ARHGEF38: variants seen among roughly 807,000 people sequenced by gnomAD.
The protein encoded by ARHGEF38 is Rho guanine nucleotide exchange factor 38.
A neutral mutation model predicts 79.9 loss-of-function variants in ARHGEF38; 79 were observed. That is an observed-to-expected ratio of 0.99 (90% CI 0.82 to 1.19). ARHGEF38 has a LOEUF of 1.19. Ranked by LOEUF, ARHGEF38 falls within the 50% of genes most tolerant of loss-of-function variation. ARHGEF38 has a pLI of 0.00. For synonymous variants in ARHGEF38, 366 were observed against 328.3 expected (o/e 1.11, Z -1.24); for missense variants, 962 against 907.2 (o/e 1.06, Z -0.78).
At chr4:105,626,999 C>T (rs1171747243) in intron 3 of ARHGEF38, among the ~76,000 whole-genome samples, 1 of 152,006 alleles carries the variant, frequency 6.6e-6, no homozygotes, top group East Asian at 1.9e-4. Context: ...GAGTGTTGCT[C>T]AAAGCTCCCC....
At chr4:105,657,979 G>A (rs933254710) in intron 9 of ARHGEF38, among the ~76,000 whole-genome samples, 1 of 152,116 alleles carries the variant, frequency 6.6e-6, no homozygotes, top group Non-Finnish European at 1.5e-5. Flanking sequence ...AAAGGGTAAA[G>A]TAGGGCAGTC....
At chr4:105,610,689 C>T (rs17035960) in intron 2 of ARHGEF38, among the ~76,000 whole-genome samples, 6,541 of 151,976 alleles carry the variant, frequency 0.043, 195 homozygotes, top group Middle Eastern at 0.12. Flanking sequence ...GTGATATGGG[C>T]GTTTGAAATC....
intron 5 of ARHGEF38, among the ~76,000 whole-genome samples, chr4:105,643,819 G>A (rs928674727): frequency 2.6e-4 from 37 of 142,514 alleles, no homozygotes; most frequent in African/African-American, 9.3e-4. Flanking sequence ...ACATTCTTTT[G>A]TTTCTCATTT....
rs571322235 is a variant in ARHGEF38 at position 105,624,795 on chromosome 4, G to A, written c.509-6103G>A. On this transcript the variant is annotated intron_variant, in intron 3 of 13. Coordinates refer to ENST00000420470, the MANE Select transcript of ARHGEF38 (RefSeq NM_001242729.2). ...CATCCAAGGAGGATAAGAAGACCGC[G>A]GGGAGCAACCCTTGAACTTGGGGTG... Among the ~76,000 whole-genome samples, 13 of 152,258 alleles carry A rather than the reference G, an allele frequency of 8.5e-5. No individual in the cohort carries two copies. The East Asian group carries it at 9.7e-4, about 11-fold the overall frequency.
chr4:105,602,775 C>A (rs1374531), intron 2 of ARHGEF38, among the ~76,000 whole-genome samples: 11,042 of 152,130 alleles, frequency 0.073, 458 homozygotes, highest in Middle Eastern at 0.12. Context: ...ACTCAGGTGA[C>A]CTAACATTGA....
chr4:105,596,174 T>C (rs778382050), intron 2 of ARHGEF38, among the ~76,000 whole-genome samples: 12 of 152,166 alleles, frequency 7.9e-5, no homozygotes, highest in Non-Finnish European at 1.6e-4. Flanking sequence ...GGGAGTATAT[T>C]GAGCAATGGT....
chr4:105,646,563 G>C (rs1005230809), intron 6 of ARHGEF38, among the ~76,000 whole-genome samples: 6 of 152,156 alleles, frequency 3.9e-5, no homozygotes, highest in African/African-American at 1.4e-4. Context: ...AGAACAACTT[G>C]ACAATACCTA....
At chr4:105,645,687 C>T (rs1419018056) in intron 6 of ARHGEF38, among the ~76,000 whole-genome samples, 2 of 152,178 alleles carry the variant, frequency 1.3e-5, no homozygotes, top group African/African-American at 4.8e-5. Flanking sequence ...ATATAGTCCT[C>T]CTGTCACTGG....
At chr4:105,623,406 T>C (rs1445998731) in intron 3 of ARHGEF38, among the ~76,000 whole-genome samples, 1 of 152,180 alleles carries the variant, frequency 6.6e-6, no homozygotes, top group Non-Finnish European at 1.5e-5. Context: ...GAGGCAAGCT[T>C]TCTCAAGAGA....
intron 1 of ARHGEF38, among the ~76,000 whole-genome samples, chr4:105,587,778 T>C (rs1727129210): frequency 6.6e-6 from 1 of 152,176 alleles, no homozygotes; most frequent in Non-Finnish European, 1.5e-5. Flanking sequence ...ATTATTTCCT[T>C]AGCACTAAAT....
rs1469478771 is a variant in ARHGEF38 at position 105,678,466 on chromosome 4, A to G, written c.*529A>G. On this transcript the variant is annotated 3_prime_UTR_variant, in exon 14 of 14. Transcript: ENST00000420470. ...GTATACACCAAATATACATAAGAAG[A>G]ATATACCACCAACTAGAAGTCTTTG... is the stretch of plus-strand genomic sequence containing the variant. 6.6e-6 allele frequency: 1 copy of G among 152,210 alleles called. No individual in the cohort carries two copies. Among genetic ancestry groups the G allele is most frequent in the African/African-American group, 2.4e-5 (1 of 41,438 alleles). 9.4% of individuals were successfully genotyped at this position (152,210 alleles called of 1,614,324 possible). A position where few individuals can be genotyped will look rare whatever the true frequency, so the allele number is the denominator to read the frequency against.
At chr4:105,571,447 G>A (rs563798860) in intron 1 of ARHGEF38, among the ~76,000 whole-genome samples, 11 of 150,636 alleles carry the variant, frequency 7.3e-5, no homozygotes, top group Admixed American at 2.0e-4. Flanking sequence ...CTCAGCCTCC[G>A]GAGTAGCTGG....
chr4:105,642,943 A>G (rs546294142), intron 5 of ARHGEF38, among the ~76,000 whole-genome samples: 1 of 152,168 alleles, frequency 6.6e-6, no homozygotes, highest in East Asian at 1.9e-4. Context: ...CCTCTAATCA[A>G]GTTAATACCT....
intron 3 of ARHGEF38, among the ~76,000 whole-genome samples, chr4:105,629,097 A>G (rs1729074830): frequency 6.6e-6 from 1 of 152,318 alleles, no homozygotes; most frequent in South Asian, 2.1e-4. Context: ...CATCCATGTA[A>G]CCAAAAACGA....
intron 2 of ARHGEF38, among the ~76,000 whole-genome samples, chr4:105,611,868 A>G (rs1357032452): frequency 1.3e-5 from 2 of 152,104 alleles, no homozygotes. Flanking sequence ...GAAATAAACC[A>G]CTGCATATAA....
rs1470859098 is a variant in ARHGEF38, at chr4:105,679,622, A to G, written c.*1685A>G. The G allele has an allele frequency of 9.2e-5, 76 of 829,592 alleles. No homozygotes were observed. The East Asian group carries it at 1.7e-3, about 19-fold the overall frequency. The allele number at this position is 829,592 out of a possible 1,614,324, so 51.4% of individuals were successfully genotyped here. ...GTTGGAAAAAAATCAACAGCAGCATAAGAAATGGAAGCCAGAGACCTTATG... is the reference window on the plus strand; with the variant it reads ...GTTGGAAAAAAATCAACAGCAGCATGAGAAATGGAAGCCAGAGACCTTATG... On this transcript the variant is annotated 3_prime_UTR_variant, in exon 14 of 14. Transcript: ENST00000420470.
Position 105,630,951 on chromosome 4 carries a change from T to C in ARHGEF38, c.562T>C (p.Cys188Arg). The C allele has an allele frequency of 6.2e-7, 1 of 1,613,290 alleles. No homozygotes were observed. The highest frequency in any genetic ancestry group is 8.5e-7 in the Non-Finnish European group (1 of 1,179,714). The change falls in exon 4 of 14, where the codon TGC (cysteine) becomes CGC (arginine). Residue 188 changes from cysteine to arginine, a missense_variant. Coordinates refer to ENST00000420470, the MANE Select transcript of ARHGEF38 (RefSeq NM_001242729.2). ...ACTGGAAGATATTTATAAAATCTAC[T>C]GCTATCACCATGATGAAGCACATAG... ...GPLEDIYKIY[C>R]YHHDEAHSIL...
At chr4:105,653,815 T>C (rs1730210580) in intron 7 of ARHGEF38, among the ~76,000 whole-genome samples, 1 of 152,200 alleles carries the variant, frequency 6.6e-6, no homozygotes, top group Non-Finnish European at 1.5e-5. Context: ...TACTGTGACA[T>C]GGGTGAAGTT....
intron 13 of ARHGEF38, among the ~76,000 whole-genome samples, chr4:105,671,936 G>T (rs1190751935): frequency 6.6e-6 from 1 of 152,100 alleles, no homozygotes; most frequent in African/African-American, 2.4e-5. Context: ...TTTCCAAGGG[G>T]TGTTGTAGGA....
Sources: gnomAD v4.1 joint callset for allele counts (sites outside exome capture counted in the v4.1 genomes callset) on GRCh38, gnomAD v4.1.1 for gene constraint, MANE v1.5 for transcripts, NCBI Gene and HGNC (gene_info 2026-07-23, HGNC 2026-07-21) for gene names.